LRFN2: variants seen among roughly 807,000 people sequenced by gnomAD.
LRFN2 encodes the protein leucine-rich repeat and fibronectin type-III domain-containing protein 2.
A neutral mutation model predicts 37.3 loss-of-function variants in LRFN2; 18 were observed. The ratio of observed to expected loss-of-function variants is 0.48; its 90% confidence interval spans 0.33 to 0.72. The LOEUF (loss-of-function observed/expected upper bound fraction) is 0.72. Ranked by LOEUF, LRFN2 falls within the 30% of genes least tolerant of loss-of-function variation. LRFN2 has a pLI of 0.02. For missense variants in LRFN2, 1,006 were observed against 1,060.7 expected (o/e 0.95, Z 0.72); for synonymous variants, 556 against 466.6 (o/e 1.19, Z -2.47).
At chr6:40,469,031 A>G (rs990279728) in intron 1 of LRFN2, among the ~76,000 whole-genome samples, 2 of 152,182 alleles carry the variant, frequency 1.3e-5, no homozygotes, top group Non-Finnish European at 2.9e-5. Flanking sequence ...GTATTTCCAG[A>G]TGTAATTTAG....
At chr6:40,586,395 G>A (rs1457380613) in intron 1 of LRFN2, among the ~76,000 whole-genome samples, 1 of 152,126 alleles carries the variant, frequency 6.6e-6, no homozygotes, top group East Asian at 1.9e-4. Context: ...CCAGCATAGG[G>A]TCCCTGAACC....
chr6:40,488,784 C>T (rs567398225), intron 1 of LRFN2, among the ~76,000 whole-genome samples: 1 of 152,264 alleles, frequency 6.6e-6, no homozygotes, highest in East Asian at 1.9e-4. Flanking sequence ...GGAATTTCTG[C>T]CTCCTCTGCC....
chr6:40,517,344 G>A (rs538557408), intron 1 of LRFN2: 7 of 152,326 alleles, frequency 4.6e-5, no homozygotes, highest in African/African-American at 1.7e-4. Flanking sequence ...CCTAGGTGGA[G>A]GGCCAGGTCG....
In LRFN2 at chr6:40,431,844, G is replaced by A. The variant is rs768433587; in HGVS notation, c.1270C>T (p.Arg424Trp). 61 of 1,582,848 alleles carry A rather than the reference G, an allele frequency of 3.9e-5. No individual in the cohort carries two copies. The highest frequency in any genetic ancestry group is 1.7e-4 in the Middle Eastern group (1 of 5,894). The change falls in exon 2 of 3, where the codon CGG becomes TGG. Residue 424 changes from arginine (R) to tryptophan (W), a missense_variant. Arg to Trp is a moderately radical substitution (Grantham distance 101). Transcript: ENST00000338305. ...GGEPPKSPPERAVLVSEVTTT... is the reference protein window; with the variant it reads ...GGEPPKSPPEWAVLVSEVTTT... ...GTCACTTCAGACACAAGCACAGCCC[G>A]TTCCGGGGGGCTTTTGGGAGGCTCT...
chr6:40,573,048 GA>G (rs1767214689), intron 1 of LRFN2, among the ~76,000 whole-genome samples: 1 of 152,192 alleles, frequency 6.6e-6, no homozygotes, highest in South Asian at 2.1e-4. Context: ...AAAAGGACTG[GA>G]GGCATCCTGC....
At chr6:40,454,255 G>A (rs1764187675) in intron 1 of LRFN2, among the ~76,000 whole-genome samples, 1 of 152,158 alleles carries the variant, frequency 6.6e-6, no homozygotes, top group Admixed American at 6.5e-5. Flanking sequence ...ACACTGTTAG[G>A]GCTGTTGGGG....
At chr6:40,540,556 T>G (rs1054056826) in intron 1 of LRFN2, among the ~76,000 whole-genome samples, 1 of 152,046 alleles carries the variant, frequency 6.6e-6, no homozygotes, top group Non-Finnish European at 1.5e-5. Context: ...GCAGTTCTCT[T>G]GTGGATCTGC....
chr6:40,549,844 C>A (rs1561904058), intron 1 of LRFN2, among the ~76,000 whole-genome samples: 1 of 151,990 alleles, frequency 6.6e-6, no homozygotes, highest in Non-Finnish European at 1.5e-5. Flanking sequence ...TCAAAACCAG[C>A]CTGGCCAACA....
intron 1 of LRFN2, among the ~76,000 whole-genome samples, chr6:40,549,037 C>T (rs148744278): frequency 8.5e-5 from 13 of 152,196 alleles, no homozygotes; most frequent in South Asian, 4.1e-4. Flanking sequence ...AATTGGGATG[C>T]GGAAATAATT....
At chr6:40,452,967 G>A (rs774852818) in intron 1 of LRFN2, among the ~76,000 whole-genome samples, 2 of 152,272 alleles carry the variant, frequency 1.3e-5, no homozygotes, top group Middle Eastern at 3.4e-3. Flanking sequence ...TGTAGCCTCC[G>A]GCAACTTATG....
chr6:40,434,046 G>C (rs192312155), intron 1 of LRFN2, among the ~76,000 whole-genome samples: 1 of 152,044 alleles, frequency 6.6e-6, no homozygotes, highest in Non-Finnish European at 1.5e-5. Context: ...GCCCCGCCCC[G>C]CTGCATAGCC....
chr6:40,468,159 G>A (rs1764515137), intron 1 of LRFN2, among the ~76,000 whole-genome samples: 2 of 152,104 alleles, frequency 1.3e-5, no homozygotes, highest in South Asian at 2.1e-4. Context: ...GAACCTTTCT[G>A]AACCTGGGCT....
Position 40,481,709 on chromosome 6 carries a change from G to C in LRFN2, c.-18-48578C>G, listed in dbSNP as rs1764836702. Among the ~76,000 whole-genome samples, 4 of 152,262 alleles carry C rather than the reference G, an allele frequency of 2.6e-5. No homozygotes were observed. In the South Asian group the frequency reaches 6.2e-4, roughly 24 times the overall value. On this transcript the variant is annotated intron_variant, in intron 1 of 2. Coordinates refer to ENST00000338305, the MANE Select transcript of LRFN2 (RefSeq NM_020737.3). ...CTCGCCTGTCCCTTCCAGTTGCCCA[G>C]TGACTGTGCCAAATGCTCCCTGGGT...
intron 1 of LRFN2, among the ~76,000 whole-genome samples, chr6:40,474,216 C>G (rs1376460170): frequency 6.6e-6 from 1 of 152,192 alleles, no homozygotes; most frequent in Non-Finnish European, 1.5e-5. Flanking sequence ...GATTTACCCT[C>G]TCATAGTCTG....
chr6:40,468,177 C>A (rs1018126225), intron 1 of LRFN2, among the ~76,000 whole-genome samples: 2 of 152,086 alleles, frequency 1.3e-5, no homozygotes, highest in Non-Finnish European at 2.9e-5. Flanking sequence ...GCTCTGAACT[C>A]CAGGAATTCC....
chr6:40,515,731 A>T (rs1343043774), intron 1 of LRFN2, among the ~76,000 whole-genome samples: 4 of 152,014 alleles, frequency 2.6e-5, no homozygotes, highest in Admixed American at 1.3e-4. Context: ...TCTACTAAAA[A>T]ATATAAAAAA....
At chr6:40,490,886 A>C (rs2078460) in intron 1 of LRFN2, among the ~76,000 whole-genome samples, 43,137 of 152,014 alleles carry the variant, frequency 0.28, 6,567 homozygotes, top group African/African-American at 0.4. Flanking sequence ...GATCTGGCTG[A>C]CTTCTCTTCA....
At chr6:40,421,972 C>G (rs1763238273) in intron 2 of LRFN2, among the ~76,000 whole-genome samples, 1 of 152,100 alleles carries the variant, frequency 6.6e-6, no homozygotes, top group Non-Finnish European at 1.5e-5. Context: ...AGGTGAGGAG[C>G]CTGAGGTTCA....
intron 1 of LRFN2, among the ~76,000 whole-genome samples, chr6:40,489,363 G>A (rs770442826): frequency 5.3e-5 from 8 of 152,236 alleles, no homozygotes; most frequent in Non-Finnish European, 7.3e-5. Flanking sequence ...CACAGATGGC[G>A]AAACTGAGGA....
Sources: gnomAD v4.1 joint callset for allele counts (sites outside exome capture counted in the v4.1 genomes callset) on GRCh38, gnomAD v4.1.1 for gene constraint, MANE v1.5 for transcripts, NCBI Gene and HGNC (gene_info 2026-07-23, HGNC 2026-07-21) for gene names.